The following ADAMTS5 variants were observed in gnomAD, a reference collection of about 807,000 sequenced individuals.
The protein encoded by ADAMTS5 is A disintegrin and metalloproteinase with thrombospondin motifs 5.
In ADAMTS5, 54 loss-of-function variants were observed where a neutral mutation model predicts 81.4. The ratio of observed to expected loss-of-function variants is 0.66; its 90% CI spans 0.53 to 0.83. The LOEUF is 0.83. Ranked by LOEUF, ADAMTS5 falls within the 40% of genes least tolerant of loss-of-function variation. The pLI, the probability that ADAMTS5 is intolerant of heterozygous loss-of-function variation, is 0.00. For synonymous variants in ADAMTS5, 532 were observed against 508.8 expected (o/e 1.05, Z -0.61); for missense variants, 1,194 against 1,229.9 (o/e 0.97, Z 0.44).
chr21:26,929,916 G>T lies in ADAMTS5; in HGVS notation c.2195C>A (p.Thr732Lys). 1 of 1,613,898 alleles carries T rather than the reference G, an allele frequency of 6.2e-7. No individual in the cohort carries two copies. Among genetic ancestry groups the T allele is most frequent in the Non-Finnish European group, 8.5e-7 (1 of 1,179,896 alleles). The change falls in exon 7 of 8, where the codon ACA becomes AAA. Residue 732 changes from threonine (T) to lysine (K), a missense_variant. Transcript: ENST00000284987. ...GVCGGDNSSCTKIVGTFNKKS... is the reference protein window; with the variant it reads ...GVCGGDNSSCKKIVGTFNKKS... ...CTTATTAAAGGTTCCAACAATCTTT[G>T]TACAGCTGGAGTTGTCTCCTCCACA...
chr21:26,931,737 T>C (rs1455634930), intron 6 of ADAMTS5, among the ~76,000 whole-genome samples: 1 of 152,272 alleles, frequency 6.6e-6, no homozygotes, highest in African/African-American at 2.4e-5. Context: ...CACTTTGCCT[T>C]CCTTGACAGT....
At chr21:26,934,432 C>G in intron 4 of ADAMTS5, 34 bp downstream of exon 4, 1 of 1,609,668 alleles carries the variant, frequency 6.2e-7, no homozygotes, top group Non-Finnish European at 8.5e-7. Context: ...ACTTCTTGGG[C>G]CTCCAGGCAT....
In ADAMTS5 at chr21:26,933,021, T is replaced by C; in HGVS notation, c.1713A>G (p.Gly571=). 1 of 1,613,194 alleles carries C rather than the reference T, an allele frequency of 6.2e-7. No homozygotes were observed. Among genetic ancestry groups the C allele is most frequent in the African/African-American group, 1.3e-5 (1 of 74,956 alleles). ...AACACTGGCCCCAGGATCCCCAAGA[T>C]CCCCAGTTGCCATGGCTTGACGTCT... The part of the protein sequence containing the change: ...YYSTSSHGNW[G]SWGSWGQCSR... The change falls in exon 5 of 8, where the codon GGA becomes GGG. Residue 571 remains glycine (G), a synonymous_variant. Transcript: ENST00000284987.
chr21:26,966,019 G>T lies in ADAMTS5; in HGVS notation c.373C>A (p.Arg125Ser), dbSNP rs773946609. Residue 125 changes from arginine (R) to serine (S), a missense_variant, in exon 1 of 8, where the codon CGC becomes AGC. Coordinates refer to ENST00000284987, the MANE Select transcript of ADAMTS5 (RefSeq NM_007038.5). The stretch of plus-strand genomic sequence containing the variant: ...CGATAGAAGCAGTGGCTCCGGTGGC[G>T]CCAGGGCGCACTCGTCCCGCCTCCT... ...PAGGGTSAPWRHRSHCFYRGT... is the reference protein window; with the variant it reads ...PAGGGTSAPWSHRSHCFYRGT... 5.3e-5 allele frequency: 85 copies of T among 1,612,856 alleles called. No individual in the cohort carries two copies. In the South Asian group the frequency reaches 8.1e-4, roughly 15 times the overall value.
At chr21:26,950,879 G>A (rs2017496) in intron 2 of ADAMTS5, among the ~76,000 whole-genome samples, 3,920 of 151,768 alleles carry the variant, frequency 0.026, 172 homozygotes, top group African/African-American at 0.089. Context: ...TTTTTAGGTG[G>A]GGGGCTCACT....
chr21:26,919,679 C>T lies in ADAMTS5; in HGVS notation c.*4374G>A, dbSNP rs1215105395. 2.0e-5 allele frequency: 3 copies of T among 151,824 alleles called. No homozygotes were observed. The highest frequency in any genetic ancestry group is 4.8e-5 in the African/African-American group (2 of 41,348). 9.4% of individuals were successfully genotyped at this position (151,824 alleles called of 1,614,324 possible). On this transcript the variant is annotated 3_prime_UTR_variant, in exon 8 of 8. Coordinates refer to ENST00000284987, the MANE Select transcript of ADAMTS5 (RefSeq NM_007038.5). ...TCTCATACATTAAATAAATGAAACACAATTATACATTATAGAGTTTATATG... is the reference window on the plus strand; with the variant it reads ...TCTCATACATTAAATAAATGAAACATAATTATACATTATAGAGTTTATATG...
Position 26,943,383 on chromosome 21 carries a change from G to A in ADAMTS5, c.1402C>T (p.His468Tyr). The change falls in exon 3 of 8, where the codon CAT becomes TAT. Residue 468 changes from histidine (H) to tyrosine (Y), a missense_variant. By Grantham distance (83) the His-to-Tyr change is moderately conservative. Coordinates refer to ENST00000284987, the MANE Select transcript of ADAMTS5 (RefSeq NM_007038.5). ...TGTTCTCCTAAATGATACATACCAT[G>A]GCCATCATCCAGGAATTCTGTGATG... The part of the protein sequence containing the change: ...ATITEFLDDG[H>Y]GNCLLDLPRK... 1 of 1,611,894 alleles carries A rather than the reference G, an allele frequency of 6.2e-7. No individual in the cohort carries two copies. The highest frequency in any genetic ancestry group is 8.5e-7 in the Non-Finnish European group (1 of 1,179,050).
At chr21:26,963,977 C>A (rs1457592000) in intron 1 of ADAMTS5, among the ~76,000 whole-genome samples, 1 of 152,188 alleles carries the variant, frequency 6.6e-6, no homozygotes, top group African/African-American at 2.4e-5. Flanking sequence ...TTTATCAACA[C>A]TTTTCCTTCA....
Position 26,951,149 on chromosome 21 carries a change from A to G in ADAMTS5, c.1237+3590T>C, listed in dbSNP as rs117634230. Among the ~76,000 whole-genome samples, 738 of 152,364 alleles carry G rather than the reference A, an allele frequency of 4.8e-3. 6 individuals carry two copies. The highest frequency in any genetic ancestry group is 8.2e-3 in the Non-Finnish European group (555 of 68,036). On this transcript the variant is annotated intron_variant, in intron 2 of 7. Coordinates refer to ENST00000284987, the MANE Select transcript of ADAMTS5 (RefSeq NM_007038.5). The stretch of plus-strand genomic sequence containing the variant: ...TAGATATGACTTTCTATTTTAAACC[A>G]CTGTGAAGAGAAAGAGGAAACAGTT...
In ADAMTS5 at chr21:26,919,047, C is replaced by T. The variant is rs1986636230; in HGVS notation, c.*5006G>A. ...TATCAAGTTGTGCCCTACCGTGACA[C>T]AAAGCTTAGAGGTCTTTCTTGCAAA... is the stretch of plus-strand genomic sequence containing the variant. On this transcript the variant is annotated 3_prime_UTR_variant, in exon 8 of 8. Transcript: ENST00000284987. 1 of 151,894 alleles carries T rather than the reference C, an allele frequency of 6.6e-6. No individual in the cohort carries two copies. The highest frequency in any genetic ancestry group is 1.5e-5 in the Non-Finnish European group (1 of 67,914). 9.4% of individuals were successfully genotyped at this position (151,894 alleles called of 1,614,324 possible). A position where few individuals can be genotyped will look rare whatever the true frequency, so the allele number is the denominator to read the frequency against.
In ADAMTS5 at chr21:26,965,666, G is replaced by A. The variant is rs769813954; in HGVS notation, c.726C>T (p.Ser242=). ...AALASQLLDQ[S]ALSPAGGSGP... is the part of the protein sequence containing the mutation. Reference sequence around the variant, plus strand: ...CTGAGCCCCCAGCGGGCGAGAGAGCGGACTGGTCCAAGAGCTGCGAGGCCA... The same window carrying A: ...CTGAGCCCCCAGCGGGCGAGAGAGCAGACTGGTCCAAGAGCTGCGAGGCCA... The change falls in exon 1 of 8, where the codon TCC becomes TCT. Residue 242 remains serine (S), a synonymous_variant. Transcript: ENST00000284987. 1.1e-5 allele frequency: 18 copies of A among 1,590,240 alleles called. No individual in the cohort carries two copies. Among genetic ancestry groups the A allele is most frequent in the Non-Finnish European group, 1.5e-5 (18 of 1,170,792 alleles).
Position 26,966,020 on chromosome 21 carries a change from C to T in ADAMTS5, c.372G>A (p.Trp124Ter), listed in dbSNP as rs745414572. Residue 124 changes from tryptophan (W) to a stop codon, truncating the protein, a stop_gained, in exon 1 of 8, where the codon TGG becomes TGA. Transcript: ENST00000284987. LOFTEE classifies it high-confidence loss of function. The part of the protein sequence containing the change: ...VPAGGGTSAP[W>*]RHRSHCFYRG... ...GATAGAAGCAGTGGCTCCGGTGGCG[C>T]CAGGGCGCACTCGTCCCGCCTCCTG... 6.8e-6 allele frequency: 11 copies of T among 1,612,930 alleles called. No individual in the cohort carries two copies. The highest frequency in any genetic ancestry group is 6.7e-5 in the Admixed American group (4 of 59,976).
intron 1 of ADAMTS5, among the ~76,000 whole-genome samples, chr21:26,956,185 C>A (rs1191133278): frequency 6.6e-6 from 1 of 152,164 alleles, no homozygotes; most frequent in Non-Finnish European, 1.5e-5. Flanking sequence ...CTCTTCTAAC[C>A]CTTTGCTATT....
chr21:26,962,416 T>C (rs11702324), intron 1 of ADAMTS5, among the ~76,000 whole-genome samples: 1 of 152,224 alleles, frequency 6.6e-6, no homozygotes, highest in Non-Finnish European at 1.5e-5. Context: ...AATTGACTGG[T>C]GCTAACTCTC....
intron 7 of ADAMTS5, among the ~76,000 whole-genome samples, chr21:26,926,884 G>T (rs1025562002): frequency 2.0e-5 from 3 of 152,100 alleles, no homozygotes; most frequent in African/African-American, 7.2e-5. Flanking sequence ...GTTTACCCTT[G>T]TTCCTTAGAG....
chr21:26,944,341 C>T (rs1987173269), intron 2 of ADAMTS5, among the ~76,000 whole-genome samples: 1 of 152,196 alleles, frequency 6.6e-6, no homozygotes, highest in Non-Finnish European at 1.5e-5. Context: ...TTCAAAACCA[C>T]TCAGCCAGGT....
At chr21:26,928,632 TCC>T (rs34920164) in intron 7 of ADAMTS5, among the ~76,000 whole-genome samples, 38,957 of 151,374 alleles carry the variant, frequency 0.26, 5,770 homozygotes, top group Non-Finnish European at 0.33. Context: ...CTTCCTTCCT[TCC>T]TCTTTCTTTC....
intron 2 of ADAMTS5, among the ~76,000 whole-genome samples, chr21:26,947,570 A>G (rs1987239792): frequency 6.6e-6 from 1 of 151,960 alleles, no homozygotes; most frequent in Non-Finnish European, 1.5e-5. Flanking sequence ...AGTAACTGGC[A>G]GTACAGGCGC....
At position 26,919,750 on chromosome 21, in the gene ADAMTS5, A is replaced by G. The variant is rs1056332339; in HGVS notation, c.*4303T>C. ...AGAAATTATCTCTATAGATTATGCT[A>G]ACAAAGGATTCTTAGGAAGATTTTT... On this transcript the variant is annotated 3_prime_UTR_variant, in exon 8 of 8. Coordinates refer to ENST00000284987, the MANE Select transcript of ADAMTS5 (RefSeq NM_007038.5). 2 of 152,126 alleles carry G rather than the reference A, an allele frequency of 1.3e-5. No homozygotes were observed. The highest frequency in any genetic ancestry group is 1.5e-5 in the Non-Finnish European group (1 of 67,992). 9.4% of individuals were successfully genotyped at this position (152,126 alleles called of 1,614,324 possible). A position where few individuals can be genotyped will look rare whatever the true frequency, so the allele number is the denominator to read the frequency against.
Sources: gnomAD v4.1 joint callset for allele counts (sites outside exome capture counted in the v4.1 genomes callset) on GRCh38, gnomAD v4.1.1 for gene constraint, MANE v1.5 for transcripts, NCBI Gene and HGNC (gene_info 2026-07-23, HGNC 2026-07-21) for gene names.